The following SYT14 variants were observed in gnomAD, a reference collection of about 807,000 sequenced individuals.
SYT14 encodes the protein synaptotagmin-14.
In SYT14, 32 loss-of-function variants were observed where a neutral mutation model predicts 74.2. The ratio of observed to expected loss-of-function variants is 0.43; its 90% CI spans 0.33 to 0.58. SYT14 has a LOEUF of 0.58. Among genes scored for constraint, SYT14 ranks in the 20% least tolerant of loss-of-function variants. SYT14 has a pLI of 0.05. For synonymous variants in SYT14, 298 were observed against 337.7 expected (o/e 0.88, Z 1.29); for missense variants, 791 against 981.8 (o/e 0.81, Z 2.60).
At chr1:209,997,712 A>G (rs928086339) in intron 2 of SYT14, among the ~76,000 whole-genome samples, 2 of 152,216 alleles carry the variant, frequency 1.3e-5, no homozygotes, top group Non-Finnish European at 2.9e-5. Flanking sequence ...GGCATGGGTT[A>G]CAAAACTACC....
intron 2 of SYT14, among the ~76,000 whole-genome samples, chr1:210,002,968 G>C (rs977845246): frequency 2.0e-5 from 3 of 151,980 alleles, no homozygotes; most frequent in African/African-American, 7.2e-5. Context: ...GTATTCTCTT[G>C]TGTGATTTAT....
At chr1:210,134,158 A>G (rs888444294) in intron 7 of SYT14, among the ~76,000 whole-genome samples, 1 of 152,148 alleles carries the variant, frequency 6.6e-6, no homozygotes, top group Non-Finnish European at 1.5e-5. Context: ...GCTGGAAGGC[A>G]GTGGTGCAAT....
chr1:209,977,710 C>A (rs940978660), intron 2 of SYT14, among the ~76,000 whole-genome samples: 1 of 152,110 alleles, frequency 6.6e-6, no homozygotes, highest in African/African-American at 2.4e-5. Flanking sequence ...GGAGGAGTAT[C>A]TTTGTGGCAT....
chr1:209,974,960 C>G (rs907479745), intron 2 of SYT14, among the ~76,000 whole-genome samples: 1 of 152,058 alleles, frequency 6.6e-6, no homozygotes, highest in Non-Finnish European at 1.5e-5. Context: ...AGGTATTTTA[C>G]TCTTTTTGAA....
At chr1:210,045,598 A>G (rs966774851) in intron 5 of SYT14, among the ~76,000 whole-genome samples, 2 of 152,208 alleles carry the variant, frequency 1.3e-5, no homozygotes, top group African/African-American at 4.8e-5. Context: ...AATTAATAGT[A>G]TAGTTACATT....
intron 7 of SYT14, among the ~76,000 whole-genome samples, chr1:210,125,176 T>G (rs1357045286): frequency 6.6e-6 from 1 of 152,040 alleles, no homozygotes; most frequent in Non-Finnish European, 1.5e-5. Context: ...GTAGTGAGCA[T>G]AGTACCCAAT....
intron 5 of SYT14, among the ~76,000 whole-genome samples, chr1:210,022,600 AATATAGTTCATTGTTTTTAG>A (rs1185588087): frequency 6.6e-6 from 1 of 152,230 alleles, no homozygotes; most frequent in Non-Finnish European, 1.5e-5. Context: ...AACCTTTGGC[AATATAGTTCATTGTTTTTAG>A]ATTTCTTTCA....
intron 5 of SYT14, among the ~76,000 whole-genome samples, chr1:210,045,741 T>C (rs2080872670): frequency 6.6e-6 from 1 of 152,156 alleles, no homozygotes; most frequent in South Asian, 2.1e-4. Flanking sequence ...ATATTAGTAA[T>C]AAATGAGTAA....
chr1:210,008,877 T>C (rs2080036567), intron 2 of SYT14, among the ~76,000 whole-genome samples: 1 of 152,164 alleles, frequency 6.6e-6, no homozygotes, highest in Non-Finnish European at 1.5e-5. Context: ...AATATATTTT[T>C]TATTAGGGAG....
At chr1:210,115,864 G>A (rs1286790256) in intron 7 of SYT14, among the ~76,000 whole-genome samples, 1 of 151,340 alleles carries the variant, frequency 6.6e-6, no homozygotes, top group African/African-American at 2.5e-5. Context: ...GCATCTGTGT[G>A]AAGAGACCAC....
intron 5 of SYT14, among the ~76,000 whole-genome samples, chr1:210,037,300 T>C (rs2080685528): frequency 6.6e-6 from 1 of 152,048 alleles, no homozygotes; most frequent in Non-Finnish European, 1.5e-5. Context: ...TTTCTGATTG[T>C]GCATATTTGA....
chr1:210,145,067 G>C (rs984370597), intron 7 of SYT14, among the ~76,000 whole-genome samples: 2 of 152,200 alleles, frequency 1.3e-5, no homozygotes, highest in Admixed American at 6.5e-5. Context: ...GTAGTTCTTA[G>C]TATGCGCTAA....
At position 209,951,423 on chromosome 1, in the gene SYT14, A is replaced by G. The variant is rs926839971; in HGVS notation, c.-533-1286A>G. Among the ~76,000 whole-genome samples, 32 of 152,100 alleles carry G rather than the reference A, an allele frequency of 2.1e-4. 1 individual carries two copies. The highest frequency in any genetic ancestry group is 1.6e-3 in the Admixed American group (25 of 15,258). On this transcript the variant is annotated intron_variant, in intron 1 of 9. Transcript: ENST00000637265. ...TGTCTGCTTTCTTTCACTTAGCATA[A>G]TGTCCTCCGGGTTCATCCATGTTGT...
chr1:209,969,952 T>A (rs546412806), intron 2 of SYT14, among the ~76,000 whole-genome samples: 1 of 152,320 alleles, frequency 6.6e-6, no homozygotes, highest in East Asian at 1.9e-4. Context: ...AGATTCTGGA[T>A]GTTAGATCTT....
chr1:210,078,267 G>T (rs191530066), intron 5 of SYT14, among the ~76,000 whole-genome samples: 1 of 121,396 alleles, frequency 8.2e-6, no homozygotes, highest in Non-Finnish European at 1.6e-5. Context: ...CTGAGATCAC[G>T]CCACTGCACT....
intron 2 of SYT14, among the ~76,000 whole-genome samples, chr1:209,974,685 G>A (rs1267161790): frequency 6.6e-6 from 1 of 151,802 alleles, no homozygotes; most frequent in African/African-American, 2.4e-5. Flanking sequence ...GGATTGACTT[G>A]GCAATGCGGG....
intron 5 of SYT14, among the ~76,000 whole-genome samples, chr1:210,059,445 T>TAGAG (rs1391983771): frequency 0.013 from 1,211 of 96,606 alleles, 13 homozygotes; most frequent in Non-Finnish European, 0.017. Context: ...TATATATATA[T>TAGAG]ATATATAGAG....
At chr1:210,052,678 A>AAAAAAAAAAAAAAAAAAAAAAAAC (rs2081023102) in intron 5 of SYT14, among the ~76,000 whole-genome samples, 1 of 149,848 alleles carries the variant, frequency 6.7e-6, no homozygotes, top group Non-Finnish European at 1.5e-5. Flanking sequence ...AAAAAAAAAA[A>AAAAAAAAAAAAAAAAAAAAAAAAC]AAAAAAGCTC....
At chr1:210,038,987 C>A (rs188341893) in intron 5 of SYT14, among the ~76,000 whole-genome samples, 1 of 152,242 alleles carries the variant, frequency 6.6e-6, no homozygotes, top group East Asian at 1.9e-4. Flanking sequence ...TCAATTTTAT[C>A]CTCAAATAGA....
Sources: allele counts gnomAD v4.1 joint callset (sites outside exome capture counted in the v4.1 genomes callset), GRCh38; gene constraint gnomAD v4.1.1; transcripts MANE v1.5; gene names NCBI Gene and HGNC (gene_info 2026-07-23, HGNC 2026-07-21).